RRM1: variants seen among roughly 807,000 people sequenced by gnomAD.
RRM1 encodes ribonucleotide reductase catalytic subunit M1.
Under a neutral mutation model 101.5 loss-of-function variants are expected in RRM1, and 19 were observed. The ratio of observed to expected loss-of-function variants is 0.19; its 90% CI spans 0.13 to 0.27. The LOEUF is 0.27. RRM1 is among the 10% of genes least tolerant of loss of function. The pLI is 1.00. For synonymous variants in RRM1, 298 were observed against 323.4 expected, an observed-to-expected ratio of 0.92 and a Z score of 0.84; for missense variants, 500 against 962.9, an observed-to-expected ratio of 0.52 and a Z score of 6.36.
chr11:4,112,958 C>T (rs1255447399), intron 7 of RRM1, among the ~76,000 whole-genome samples: 1 of 151,916 alleles, frequency 6.6e-6, no homozygotes, highest in Non-Finnish European at 1.5e-5. Flanking sequence ...CACAGTGATA[C>T]CTTGATTAAG....
At chr11:4,124,642 T>C (rs547703630) in intron 12 of RRM1, among the ~76,000 whole-genome samples, 8 of 152,124 alleles carry the variant, frequency 5.3e-5, no homozygotes. Context: ...AATCAGATAA[T>C]GTCATTTGTC....
intron 15 of RRM1, among the ~76,000 whole-genome samples, chr11:4,130,876 A>C (rs975356863): frequency 1.3e-5 from 2 of 152,312 alleles, no homozygotes; most frequent in Middle Eastern, 3.4e-3. Context: ...TGATGTTGCT[A>C]TTTTACAGAT....
intron 18 of RRM1, among the ~76,000 whole-genome samples, chr11:4,136,265 C>T (rs565381403): frequency 3.3e-5 from 5 of 151,960 alleles, no homozygotes; most frequent in Admixed American, 6.5e-5. Context: ...TCTGTTGCCC[C>T]GGCTGGAGTA....
intron 15 of RRM1, 93 bp downstream of exon 15, chr11:4,129,243 T>A: frequency 1.4e-6 from 1 of 705,640 alleles, no homozygotes; most frequent in Non-Finnish European, 2.4e-6. Context: ...TTTAACTTCT[T>A]AAACTCATTT....
At position 4,127,076 on chromosome 11, in the gene RRM1, G is replaced by T. The variant is rs750851537; in HGVS notation, c.1512G>T (p.Gly504=). The change falls in exon 14 of 19, where the codon GGG becomes GGT. Residue 504 remains glycine, a synonymous_variant. Transcript: ENST00000300738. ...SNKRHRPIGI[G]VQGLADAFIL... ...AACGCCATCGCCCCATTGGAATTGG[G>T]GTACAAGGTCTGGCAGATGCTTTTA... is the stretch of plus-strand genomic sequence containing the variant. 1.9e-6 allele frequency: 3 copies of T among 1,613,816 alleles called. No individual in the cohort carries two copies. In the East Asian group the frequency reaches 6.7e-5, roughly 36 times the overall value.
intron 4 of RRM1, among the ~76,000 whole-genome samples, chr11:4,109,173 A>G (rs1379965288): frequency 6.6e-6 from 1 of 151,846 alleles, no homozygotes; most frequent in Non-Finnish European, 1.5e-5. Context: ...TTTATTATAT[A>G]TACTGTTATA....
At chr11:4,115,326 A>G (rs1473118165) in intron 7 of RRM1, among the ~76,000 whole-genome samples, 1 of 152,120 alleles carries the variant, frequency 6.6e-6, no homozygotes, top group African/African-American at 2.4e-5. Flanking sequence ...CCTTAATCCA[A>G]TCAAAAGTAT....
intron 7 of RRM1, among the ~76,000 whole-genome samples, chr11:4,112,981 A>G (rs2094567682): frequency 1.3e-5 from 2 of 152,324 alleles, no homozygotes; most frequent in South Asian, 4.1e-4. Context: ...AAAAATATAT[A>G]TAAAAGATAT....
At chr11:4,114,713 CT>C (rs1243646931) in intron 7 of RRM1, among the ~76,000 whole-genome samples, 8 of 152,062 alleles carry the variant, frequency 5.3e-5, no homozygotes, top group Non-Finnish European at 1.0e-4. Context: ...CCATCGTTGA[CT>C]TTTTTTGTTT....
Position 4,128,095 on chromosome 11 carries a change from T to C in RRM1, c.1692+839T>C, listed in dbSNP as rs141525173. Among the ~76,000 whole-genome samples the C allele has an allele frequency of 6.2e-3, 950 of 152,228 alleles. 3 individuals are homozygous for C. The highest frequency in any genetic ancestry group is 0.021 in the African/African-American group (884 of 41,530). ...TCAAAAGGGGCACAGTCTAGTCTCTTTTGAGGGTTTTCACCTGATAAGTTA... is the reference window on the plus strand; with the variant it reads ...TCAAAAGGGGCACAGTCTAGTCTCTCTTGAGGGTTTTCACCTGATAAGTTA... On this transcript the variant is annotated intron_variant, in intron 14 of 18. Coordinates refer to ENST00000300738, the MANE Select transcript of RRM1 (RefSeq NM_001033.5).
intron 7 of RRM1, chr11:4,116,377 A>C (rs2094573370): frequency 6.6e-6 from 1 of 152,282 alleles, no homozygotes; most frequent in Non-Finnish European, 1.5e-5. Flanking sequence ...GGATTACCTG[A>C]GGTCAGGAGT....
chr11:4,120,389 ATCTC>A lies in RRM1; in HGVS notation c.876+467_876+470del, dbSNP rs1305042588. The stretch of plus-strand genomic sequence containing the variant: ...AGGTTTTTCTTTCGTTTTTTTTTTT[ATCTC>A]TCTCTTATCACCCAGGCTGGAGTGC... On this transcript the variant is annotated intron_variant, in intron 9 of 18. Coordinates refer to ENST00000300738, the MANE Select transcript of RRM1 (RefSeq NM_001033.5). Among the ~76,000 whole-genome samples, 5 of 147,674 alleles carry A rather than the reference ATCTC, an allele frequency of 3.4e-5. No homozygotes were observed. The East Asian group carries it at 8.0e-4, about 24-fold the overall frequency.
chr11:4,122,977 C>T lies in RRM1; in HGVS notation c.1119-206C>T, dbSNP rs563818810. ...AGATATTATTGGTTTAGTGGGATTG[C>T]GATCATCTGAAGGCACCTAAAACTG... On this transcript the variant is annotated intron_variant, in intron 11 of 18. Transcript: ENST00000300738. Among the ~76,000 whole-genome samples the T allele has an allele frequency of 2.9e-3, 439 of 152,082 alleles. 9 individuals are homozygous for T. The highest frequency in any genetic ancestry group is 2.4e-4 in the Non-Finnish European group (16 of 68,000).
intron 2 of RRM1, among the ~76,000 whole-genome samples, chr11:4,102,632 A>G (rs2094553137): frequency 6.6e-6 from 1 of 151,292 alleles, no homozygotes; most frequent in Non-Finnish European, 1.5e-5. Context: ...AGCCTGGGCG[A>G]CAGAGCGAGA....
chr11:4,120,195 C>G (rs1331097922), intron 9 of RRM1, among the ~76,000 whole-genome samples: 1 of 152,036 alleles, frequency 6.6e-6, no homozygotes, highest in African/African-American at 2.4e-5. Flanking sequence ...CCTCATATAC[C>G]TTTACATTCA....
At chr11:4,111,055 C>T (rs1453191280) in intron 5 of RRM1, among the ~76,000 whole-genome samples, 1 of 148,044 alleles carries the variant, frequency 6.8e-6, no homozygotes, top group Non-Finnish European at 1.5e-5. Context: ...CAGAAATTTT[C>T]ATGCAGTCTC....
At chr11:4,111,544 C>G in intron 5 of RRM1, 57 bp from the exon 6 acceptor site, 1 of 1,196,740 alleles carries the variant, frequency 8.4e-7, no homozygotes, top group Non-Finnish European at 1.2e-6. Context: ...GATGATATAT[C>G]CACTGCGTCT....
intron 9 of RRM1, among the ~76,000 whole-genome samples, chr11:4,120,288 G>T (rs978687517): frequency 1.3e-5 from 2 of 152,022 alleles, no homozygotes. Flanking sequence ...TTACATGATA[G>T]TTCGTTTGCA....
chr11:4,126,958 G>C (rs2094590750), intron 13 of RRM1, 77 bp from the exon 14 acceptor site: 3 of 1,442,180 alleles, frequency 2.1e-6, no homozygotes, highest in African/African-American at 2.8e-5. Context: ...GAGGTAGTCT[G>C]TCTCATTTGG....
Sources: gnomAD v4.1 joint callset for allele counts (sites outside exome capture counted in the v4.1 genomes callset) on GRCh38, gnomAD v4.1.1 for gene constraint, MANE v1.5 for transcripts, NCBI Gene and HGNC (gene_info 2026-07-23, HGNC 2026-07-21) for gene names.